The following ASH1L variants were observed in gnomAD, a reference collection of about 807,000 sequenced individuals.
The protein encoded by ASH1L is histone-lysine N-methyltransferase ASH1L.
Under a neutral mutation model 269.0 loss-of-function variants are expected in ASH1L, and 23 were observed. The observed-to-expected ratio is 0.09, with a 90% CI of 0.06 to 0.12. ASH1L has a LOEUF of 0.12. Ranked by LOEUF, ASH1L falls within the 10% of genes least tolerant of loss-of-function variation. ASH1L has a pLI of 1.00. For synonymous variants in ASH1L, 1,187 were observed against 1,253.5 expected (o/e 0.95, Z 1.12); for missense variants, 2,912 against 3,567.8 (o/e 0.82, Z 4.68).
intron 5 of ASH1L, among the ~76,000 whole-genome samples, chr1:155,434,502 GTA>G (rs1661912894): frequency 9.1e-6 from 1 of 109,566 alleles, no homozygotes; most frequent in East Asian, 2.8e-4. Context: ...CTGGGACACA[GTA>G]AAAAAAAAAA....
chr1:155,415,962 A>G, intron 5 of ASH1L, 39 bp from the exon 6 acceptor site: 2 of 1,449,560 alleles, frequency 1.4e-6, no homozygotes, highest in Non-Finnish European at 1.8e-6. Context: ...ATTATGAAAA[A>G]AAAGTTTTCC....
intron 2 of ASH1L, among the ~76,000 whole-genome samples, chr1:155,498,870 T>C (rs1354032293): frequency 6.6e-6 from 1 of 151,176 alleles, no homozygotes; most frequent in Non-Finnish European, 1.5e-5. Context: ...TACGCTTCAG[T>C]TTGTGGCATA....
intron 1 of ASH1L, among the ~76,000 whole-genome samples, chr1:155,548,811 G>C (rs1246923557): frequency 2.0e-5 from 3 of 152,122 alleles, no homozygotes; most frequent in Non-Finnish European, 2.9e-5. Context: ...ATGCTGCTCA[G>C]CTCCCAAGTT....
intron 25 of ASH1L, among the ~76,000 whole-genome samples, chr1:155,341,398 G>A (rs889246218): frequency 6.6e-6 from 1 of 152,048 alleles, no homozygotes. Context: ...GGATGGTCTT[G>A]ATCTCCTGAC....
At chr1:155,391,006 C>T (rs1242048183) in intron 7 of ASH1L, among the ~76,000 whole-genome samples, 8 of 150,872 alleles carry the variant, frequency 5.3e-5, no homozygotes, top group Non-Finnish European at 7.4e-5. Context: ...AGTACAGTGG[C>T]GCAATCTCTG....
In ASH1L at chr1:155,479,066, C is replaced by T; in HGVS notation, c.3804G>A (p.Gln1268=). ...DYLSYDKMKR[Q]KRKRKKKYPQ... ...GATATTTCTTTTTCCGTTTTCGTTT[C>T]TGCCTTTTCATCTTGTCATAGCTGA... Residue 1268 remains glutamine (Q), a synonymous_variant, in exon 3 of 28, where the codon CAG becomes CAA. Transcript: ENST00000392403. 1 of 1,614,068 alleles carries T rather than the reference C, an allele frequency of 6.2e-7. No homozygotes were observed. Among genetic ancestry groups the T allele is most frequent in the South Asian group, 1.1e-5 (1 of 91,070 alleles).
In ASH1L at chr1:155,459,913, A is replaced by G; in HGVS notation, c.4985-15T>C. ...TGGCTGGGAGCCTGGAGAAAGAGAA[A>G]AAGATAGAAATCATAGGAAAATTCA... On this transcript the variant is annotated splice_polypyrimidine_tract_variant and intron_variant, in intron 3 of 27. Transcript: ENST00000392403. 6.4e-7 allele frequency: 1 copy of G among 1,551,722 alleles called. No homozygotes were observed. The highest frequency in any genetic ancestry group is 1.4e-5 in the African/African-American group (1 of 72,138).
At chr1:155,524,203 T>A (rs1669075660) in intron 1 of ASH1L, among the ~76,000 whole-genome samples, 1 of 152,126 alleles carries the variant, frequency 6.6e-6, no homozygotes, top group African/African-American at 2.4e-5. Flanking sequence ...TTATGTGTCA[T>A]ATAAACATAC....
chr1:155,556,401 CGTGTGTGTGTGTGTGTGTGT>C (rs71080711), intron 1 of ASH1L, among the ~76,000 whole-genome samples: 3 of 140,458 alleles, frequency 2.1e-5, no homozygotes, highest in East Asian at 4.1e-4. Context: ...CATATATATA[CGTGTGTGTGTGTGTGTGTGT>C]GTGTGTGTGT....
intron 1 of ASH1L, among the ~76,000 whole-genome samples, chr1:155,521,886 A>T (rs1344470956): frequency 6.6e-6 from 1 of 152,242 alleles, no homozygotes; most frequent in Non-Finnish European, 1.5e-5. Context: ...GAAGCTTCTG[A>T]AACTTACAGT....
At chr1:155,369,304 G>A (rs558525010) in intron 12 of ASH1L, among the ~76,000 whole-genome samples, 6 of 152,166 alleles carry the variant, frequency 3.9e-5, no homozygotes, top group African/African-American at 4.8e-5. Flanking sequence ...GAAATTAGCC[G>A]GGCGTGGTGG....
chr1:155,466,138 A>G (rs1664680798), intron 3 of ASH1L, among the ~76,000 whole-genome samples: 1 of 152,108 alleles, frequency 6.6e-6, no homozygotes, highest in Non-Finnish European at 1.5e-5. Context: ...GCAGATCACG[A>G]GGTCAGGAGA....
chr1:155,404,744 T>C (rs1320559061), intron 6 of ASH1L, among the ~76,000 whole-genome samples: 2 of 151,946 alleles, frequency 1.3e-5, no homozygotes, highest in South Asian at 2.1e-4. Flanking sequence ...AAATATCCAA[T>C]TGGAGGGCTG....
chr1:155,552,699 G>A (rs1455450483), intron 1 of ASH1L, among the ~76,000 whole-genome samples: 1 of 151,938 alleles, frequency 6.6e-6, no homozygotes, highest in East Asian at 1.9e-4. Flanking sequence ...GGGAAAATAC[G>A]AAATTGGAAT....
chr1:155,360,452 T>C (rs754143981), intron 12 of ASH1L, 43 bp from the exon 13 acceptor site: 21 of 1,405,948 alleles, frequency 1.5e-5, no homozygotes, highest in Non-Finnish European at 2.0e-5. Context: ...GGAAATTTTT[T>C]TTTTTTTTTG....
chr1:155,357,454 G>T, intron 14 of ASH1L, 44 bp from the exon 15 acceptor site: 1 of 1,594,096 alleles, frequency 6.3e-7, no homozygotes, highest in Non-Finnish European at 8.6e-7. Flanking sequence ...AAAAATATCA[G>T]TCAGAAATAA....
intron 1 of ASH1L, among the ~76,000 whole-genome samples, chr1:155,536,415 T>C (rs1273326856): frequency 2.0e-5 from 3 of 152,180 alleles, no homozygotes; most frequent in East Asian, 1.9e-4. Context: ...TGCTACTGAA[T>C]TGAGATGACA....
chr1:155,446,854 C>A (rs1263876588), intron 4 of ASH1L, among the ~76,000 whole-genome samples: 1 of 152,056 alleles, frequency 6.6e-6, no homozygotes, highest in Non-Finnish European at 1.5e-5. Flanking sequence ...CCGCCCGCTT[C>A]GGCCTCTCAA....
At chr1:155,457,200 A>G (rs1422886944) in intron 4 of ASH1L, among the ~76,000 whole-genome samples, 2 of 152,220 alleles carry the variant, frequency 1.3e-5, no homozygotes, top group Non-Finnish European at 2.9e-5. Context: ...GACCTATCCT[A>G]TTCTTACTGA....
Sources: allele counts gnomAD v4.1 joint callset (sites outside exome capture counted in the v4.1 genomes callset), GRCh38; gene constraint gnomAD v4.1.1; transcripts MANE v1.5; gene names NCBI Gene and HGNC (gene_info 2026-07-23, HGNC 2026-07-21).